RNF214: variants seen among roughly 807,000 people sequenced by gnomAD.
RNF214 encodes the protein ring finger protein 214.
RNF214 carries 25 observed loss-of-function variants against 75.9 expected under a neutral mutation model. The observed-to-expected ratio is 0.33, with a 90% CI of 0.24 to 0.46. The LOEUF (loss-of-function observed/expected upper bound fraction) is 0.46. Ranked by LOEUF, RNF214 falls within the 20% of genes least tolerant of loss-of-function variation. The probability of loss-of-function intolerance (pLI) is 1.00; values close to 1 mark genes in which losing one functional copy is unlikely to be tolerated. For missense variants in RNF214, 725 were observed against 857.5 expected (o/e 0.85, Z 1.93); for synonymous variants, 314 against 308.8 (o/e 1.02, Z -0.18).
intron 2 of RNF214, among the ~76,000 whole-genome samples, chr11:117,238,002 AAATT>A (rs1234451050): frequency 1.3e-5 from 2 of 152,246 alleles, no homozygotes; most frequent in African/African-American, 4.8e-5. Context: ...ACATGTAACT[AAATT>A]AAATATTCTA....
In RNF214 at chr11:117,286,140, G is replaced by T. The variant is rs184140400; in HGVS notation, c.*989G>T. On this transcript the variant is annotated 3_prime_UTR_variant, in exon 15 of 15. Coordinates refer to ENST00000300650, the MANE Select transcript of RNF214 (RefSeq NM_207343.4). The stretch of plus-strand genomic sequence containing the variant: ...CAAAATTACTTGTAGAATGATCTTG[G>T]GATGCTGGATTTTAATTTTTGAAGC... The T allele has an allele frequency of 3.8e-4, 58 of 152,708 alleles. No individual in the cohort carries two copies. Among genetic ancestry groups the T allele is most frequent in the African/African-American group, 1.4e-3 (57 of 41,538 alleles). The allele number at this position is 152,708 out of a possible 1,614,324, so 9.5% of individuals were successfully genotyped here. A position where few individuals can be genotyped will look rare whatever the true frequency, so the allele number is the denominator to read the frequency against.
intron 6 of RNF214, among the ~76,000 whole-genome samples, chr11:117,262,004 A>G (rs2033675027): frequency 6.7e-6 from 1 of 148,890 alleles, no homozygotes; most frequent in Non-Finnish European, 1.5e-5. Context: ...TAAACCCTAC[A>G]TGGACAAGAC....
At chr11:117,254,577 G>C (rs1161711894) in intron 6 of RNF214, among the ~76,000 whole-genome samples, 7 of 150,992 alleles carry the variant, frequency 4.6e-5, no homozygotes, top group Non-Finnish European at 1.0e-4. Flanking sequence ...TTATTTTCCT[G>C]TATTACTCCA....
intron 6 of RNF214, among the ~76,000 whole-genome samples, chr11:117,274,582 T>C (rs559826158): frequency 5.3e-5 from 8 of 151,892 alleles, no homozygotes; most frequent in African/African-American, 1.9e-4. Context: ...TGGGCCAGGC[T>C]AGTCTCGAAC....
At chr11:117,233,509 T>C (rs534343012) in intron 1 of RNF214, among the ~76,000 whole-genome samples, 1 of 152,336 alleles carries the variant, frequency 6.6e-6, no homozygotes, top group East Asian at 1.9e-4. Context: ...AGTATTTTGA[T>C]TTTCTTTTCT....
chr11:117,252,543 C>T (rs1488064448), intron 6 of RNF214, among the ~76,000 whole-genome samples: 3 of 151,296 alleles, frequency 2.0e-5, no homozygotes, highest in African/African-American at 4.9e-5. Flanking sequence ...TTTTTTGAGA[C>T]GGAGTCTTGC....
chr11:117,264,950 C>T (rs1300473548), intron 6 of RNF214, among the ~76,000 whole-genome samples: 2 of 151,832 alleles, frequency 1.3e-5, no homozygotes, highest in South Asian at 2.1e-4. Context: ...GTCTGTACTC[C>T]CAGCTACTTG....
Position 117,283,123 on chromosome 11 carries a change from C to T in RNF214, c.1959C>T (p.Ala653=). The change falls in exon 14 of 15, where the codon GCC becomes GCT. Residue 653 remains alanine (A), a synonymous_variant. Transcript: ENST00000300650. ...SYPGRSSHAP[A]TCKLCLMCQK... ...CCGCCTCTGTTCTACAGGCTCCAGCCACCTGTAAGCTATGTCTAATGTGCC... is the reference window on the plus strand; with the variant it reads ...CCGCCTCTGTTCTACAGGCTCCAGCTACCTGTAAGCTATGTCTAATGTGCC... 1 of 1,613,330 alleles carries T rather than the reference C, an allele frequency of 6.2e-7. No homozygotes were observed. The highest frequency in any genetic ancestry group is 8.5e-7 in the Non-Finnish European group (1 of 1,179,308).
chr11:117,280,307 G>A, intron 8 of RNF214, 48 bp downstream of exon 8: 1 of 1,340,188 alleles, frequency 7.5e-7, no homozygotes, highest in South Asian at 1.2e-5. Flanking sequence ...CAGTTTGTTT[G>A]TTTGTTTGTT....
intron 14 of RNF214, among the ~76,000 whole-genome samples, chr11:117,284,240 C>T (rs1266280176): frequency 6.6e-6 from 1 of 152,186 alleles, no homozygotes; most frequent in African/African-American, 2.4e-5. Flanking sequence ...ATTAACAGAA[C>T]AGCTTGGAGG....
intron 2 of RNF214, among the ~76,000 whole-genome samples, chr11:117,238,066 C>T (rs2032961096): frequency 6.6e-6 from 1 of 152,138 alleles, no homozygotes; most frequent in Non-Finnish European, 1.5e-5. Flanking sequence ...TTAAAATTGG[C>T]ACTCAAAAAT....
At chr11:117,262,372 C>T (rs2033686362) in intron 6 of RNF214, among the ~76,000 whole-genome samples, 1 of 152,088 alleles carries the variant, frequency 6.6e-6, no homozygotes, top group Non-Finnish European at 1.5e-5. Flanking sequence ...CAGGCTTGAG[C>T]CACCGCACCT....
chr11:117,247,434 G>C (rs772556714), intron 6 of RNF214, among the ~76,000 whole-genome samples: 1 of 152,196 alleles, frequency 6.6e-6, no homozygotes, highest in South Asian at 2.1e-4. Context: ...GTTCCAGGCT[G>C]CAGTCAGCTG....
At chr11:117,245,339 T>C (rs1386672121) in intron 5 of RNF214, among the ~76,000 whole-genome samples, 1 of 149,214 alleles carries the variant, frequency 6.7e-6, no homozygotes, top group Non-Finnish European at 1.5e-5. Context: ...TTAATACTCA[T>C]AGACTTTTTT....
intron 5 of RNF214, among the ~76,000 whole-genome samples, chr11:117,245,906 A>G (rs2033213323): frequency 6.6e-6 from 1 of 152,152 alleles, no homozygotes; most frequent in Non-Finnish European, 1.5e-5. Flanking sequence ...TAACACATTG[A>G]TTACTCTTAT....
intron 3 of RNF214, chr11:117,239,333 G>A (rs922993480): frequency 3.5e-6 from 2 of 566,716 alleles, no homozygotes; most frequent in African/African-American, 3.7e-5. Context: ...CTTATGGCAA[G>A]TAGGAACTTT....
intron 4 of RNF214, among the ~76,000 whole-genome samples, chr11:117,243,963 T>C (rs2033145730): frequency 6.6e-6 from 1 of 152,192 alleles, no homozygotes; most frequent in Non-Finnish European, 1.5e-5. Flanking sequence ...TTCAGTGTTG[T>C]TAACCAGTAA....
At chr11:117,241,909 A>G (rs2033090988) in intron 4 of RNF214, among the ~76,000 whole-genome samples, 1 of 152,192 alleles carries the variant, frequency 6.6e-6, no homozygotes, top group Admixed American at 6.6e-5. Context: ...TAATTACTTT[A>G]TAATACAGTG....
Position 117,262,089 on chromosome 11 carries a change from G to A in RNF214, c.959+15141G>A, listed in dbSNP as rs530895525. ...GTTTGGTTTTTCTTTTTTTTTTTGA[G>A]ATACGAGTCTGGCTCCGTCCCCCAG... is the stretch of plus-strand genomic sequence containing the variant. On this transcript the variant is annotated intron_variant, in intron 6 of 14. Coordinates refer to ENST00000300650, the MANE Select transcript of RNF214 (RefSeq NM_207343.4). 7.7e-5 allele frequency among the ~76,000 whole-genome samples: 11 copies of A among 142,562 alleles called. No individual in the cohort carries two copies. In the East Asian group the frequency reaches 2.1e-3, roughly 27 times the overall value. 93.5% of individuals were successfully genotyped at this position (142,562 alleles called of 152,430 possible).
Sources: allele counts gnomAD v4.1 joint callset (sites outside exome capture counted in the v4.1 genomes callset), GRCh38; gene constraint gnomAD v4.1.1; transcripts MANE v1.5; gene names NCBI Gene and HGNC (gene_info 2026-07-23, HGNC 2026-07-21).